Variants in TTLL11 observed in about 807,000 individuals in gnomAD.
The protein encoded by TTLL11 is tubulin tyrosine ligase like 11.
TTLL11 carries 42 observed loss-of-function variants against 51.7 expected under a neutral mutation model. The ratio of observed to expected loss-of-function variants is 0.81; its 90% CI spans 0.64 to 1.05. TTLL11 has a LOEUF of 1.05. TTLL11 is among the 50% of genes least tolerant of loss of function. The probability of loss-of-function intolerance (pLI) is 0.00; values close to 1 mark genes in which losing one functional copy is unlikely to be tolerated. For synonymous variants in TTLL11, 381 were observed against 383.5 expected (o/e 0.99, Z 0.08); for missense variants, 799 against 940.4 (o/e 0.85, Z 1.97).
At chr9:121,892,277 T>C (rs1258643147) in intron 6 of TTLL11, among the ~76,000 whole-genome samples, 1 of 151,504 alleles carries the variant, frequency 6.6e-6, no homozygotes, top group African/African-American at 2.4e-5. Context: ...AAACTCTTAC[T>C]GGGAAACTGT....
intron 1 of TTLL11, among the ~76,000 whole-genome samples, chr9:122,069,475 G>A (rs965758692): frequency 2.0e-5 from 3 of 152,148 alleles, no homozygotes; most frequent in South Asian, 4.1e-4. Context: ...CTGAGGTCAG[G>A]AGTTTGAGAC....
At chr9:122,062,934 C>A (rs1845476115) in intron 1 of TTLL11, among the ~76,000 whole-genome samples, 1 of 152,088 alleles carries the variant, frequency 6.6e-6, no homozygotes, top group African/African-American at 2.4e-5. Flanking sequence ...TGCATGCCAC[C>A]ACGCCTGGCT....
chr9:122,083,379 G>A (rs1846046550), intron 1 of TTLL11, among the ~76,000 whole-genome samples: 2 of 152,162 alleles, frequency 1.3e-5, no homozygotes, highest in South Asian at 4.1e-4. Flanking sequence ...GATGATGAGA[G>A]ACCCCTGCTC....
chr9:121,930,382 G>A (rs1340970056), intron 6 of TTLL11, among the ~76,000 whole-genome samples: 1 of 152,218 alleles, frequency 6.6e-6, no homozygotes, highest in East Asian at 1.9e-4. Flanking sequence ...GAAGCCTTAA[G>A]GGAGTAGCCC....
At position 121,815,747 on chromosome 9, in the gene TTLL11, A is replaced by G. The variant is rs1042093045; in HGVS notation, c.*6840T>C. 12 of 152,314 alleles carry G rather than the reference A, an allele frequency of 7.9e-5. No homozygotes were observed. Among genetic ancestry groups the G allele is most frequent in the South Asian group, 6.2e-4 (3 of 4,828 alleles). 9.4% of individuals were successfully genotyped at this position (152,314 alleles called of 1,614,324 possible). A position where few individuals can be genotyped will look rare whatever the true frequency, so the allele number is the denominator to read the frequency against. On this transcript the variant is annotated 3_prime_UTR_variant, in exon 9 of 9. Transcript: ENST00000321582. ...TATTGCGTTTTATGAAGTTGCCAAG[A>G]CAACTGAGGCCAAGTAACAGAACCT...
At chr9:122,036,567 G>A (rs1447716736) in intron 2 of TTLL11, among the ~76,000 whole-genome samples, 1 of 151,900 alleles carries the variant, frequency 6.6e-6, no homozygotes, top group Admixed American at 6.5e-5. Flanking sequence ...ATTTGAACCA[G>A]GAAATTACCC....
At chr9:121,831,886 A>G (rs1470376907) in intron 8 of TTLL11, among the ~76,000 whole-genome samples, 1 of 152,030 alleles carries the variant, frequency 6.6e-6, no homozygotes, top group Non-Finnish European at 1.5e-5. Context: ...TAAACAACAG[A>G]AATTTACTTT....
chr9:121,969,398 C>G (rs1202634392), intron 6 of TTLL11, among the ~76,000 whole-genome samples: 1 of 152,002 alleles, frequency 6.6e-6, no homozygotes, highest in African/African-American at 2.4e-5. Context: ...TTCAGTCCCA[C>G]CAAGAAACTG....
At chr9:121,826,320 ATATATATGGGTT>A (rs201904635) in intron 8 of TTLL11, among the ~76,000 whole-genome samples, 31,020 of 124,098 alleles carry the variant, frequency 0.25, 4,852 homozygotes, top group East Asian at 0.46. Flanking sequence ...GGGTTTATAT[ATATATATGGGTT>A]TATATATATG....
chr9:121,871,794 T>G (rs1838368078), intron 6 of TTLL11, among the ~76,000 whole-genome samples: 1 of 152,168 alleles, frequency 6.6e-6, no homozygotes, highest in South Asian at 2.1e-4. Flanking sequence ...TGTGTGCTGC[T>G]CCTCCCAACC....
chr9:121,990,087 G>C (rs1564344806), intron 3 of TTLL11, among the ~76,000 whole-genome samples: 1 of 152,240 alleles, frequency 6.6e-6, no homozygotes, highest in Non-Finnish European at 1.5e-5. Flanking sequence ...TAATAGTGCT[G>C]AGAATGATAA....
chr9:121,991,319 C>T (rs1444743686), intron 3 of TTLL11, among the ~76,000 whole-genome samples: 1 of 152,208 alleles, frequency 6.6e-6, no homozygotes, highest in African/African-American at 2.4e-5. Flanking sequence ...ACACTTAAAG[C>T]CTTAATAATG....
intron 6 of TTLL11, among the ~76,000 whole-genome samples, chr9:121,920,264 C>T (rs1840483897): frequency 6.6e-6 from 1 of 152,188 alleles, no homozygotes; most frequent in Non-Finnish European, 1.5e-5. Flanking sequence ...GATTGCACGA[C>T]TGCACTCCAG....
intron 6 of TTLL11, among the ~76,000 whole-genome samples, chr9:121,904,500 G>C (rs548590967): frequency 3.9e-5 from 6 of 152,326 alleles, no homozygotes. Flanking sequence ...TGTTTAATGT[G>C]TGGCCCATCT....
intron 6 of TTLL11, among the ~76,000 whole-genome samples, chr9:121,932,408 A>G (rs1404529977): frequency 1.3e-5 from 2 of 152,228 alleles, no homozygotes; most frequent in African/African-American, 4.8e-5. Flanking sequence ...CCACCTGAGT[A>G]CATAACAGGT....
chr9:121,957,678 G>A (rs924969303), intron 6 of TTLL11, among the ~76,000 whole-genome samples: 1 of 152,088 alleles, frequency 6.6e-6, no homozygotes, highest in African/African-American at 2.4e-5. Flanking sequence ...TCCCTCCTCC[G>A]GGAGCCCCTT....
Position 121,853,965 on chromosome 9 carries a change from G to T in TTLL11, c.1840+6372C>A, listed in dbSNP as rs529410329. Among the ~76,000 whole-genome samples the T allele has an allele frequency of 6.6e-6, 1 of 152,322 alleles. No homozygotes were observed. The highest frequency in any genetic ancestry group is 1.9e-4 in the East Asian group (1 of 5,184). On this transcript the variant is annotated intron_variant, in intron 8 of 8. Transcript: ENST00000321582. This position sits in a 1 kb window ranked among gnomAD's most constrained non-coding sequence, Gnocchi z 5.6. ...ATGGGATCACACTAGGGGCAGACCC[G>T]CTTCCTGAGCATTTTCCACAGGCAG...
At chr9:121,988,916 T>C (rs947898172) in intron 4 of TTLL11, 4 of 597,092 alleles carry the variant, frequency 6.7e-6, no homozygotes, top group African/African-American at 3.7e-5. Context: ...CTGCTTTACA[T>C]GTGTTATCTC....
intron 6 of TTLL11, among the ~76,000 whole-genome samples, chr9:121,956,916 C>G (rs1371344445): frequency 6.6e-6 from 1 of 152,238 alleles, no homozygotes; most frequent in Non-Finnish European, 1.5e-5. Context: ...TCCAGTGGAT[C>G]TGCCCCATCC....
Sources: gnomAD v4.1 joint callset for allele counts (sites outside exome capture counted in the v4.1 genomes callset) on GRCh38, gnomAD v4.1.1 for gene constraint, Gnocchi (gnomAD v3.1) non-coding constraint, MANE v1.5 for transcripts, NCBI Gene and HGNC (gene_info 2026-07-23, HGNC 2026-07-21) for gene names.